ZNF724: variants seen among roughly 807,000 people sequenced by gnomAD.
ZNF724 encodes zinc finger protein 724, also known as zinc finger protein 724 pseudogene.
In ZNF724, 14 loss-of-function variants were observed where a neutral mutation model predicts 29.3. The observed-to-expected ratio is 0.48, with a 90% CI of 0.32 to 0.75. The LOEUF (loss-of-function observed/expected upper bound fraction) is 0.75, where lower values mean the gene tolerates loss of function less well. Ranked by LOEUF, ZNF724 falls within the 30% of genes least tolerant of loss-of-function variation. ZNF724 has a pLI of 0.04. For missense variants in ZNF724, 557 were observed against 571.2 expected (o/e 0.98, Z 0.25); for synonymous variants, 180 against 193.6 (o/e 0.93, Z 0.58).
chr19:23,239,010 A>G (rs928804333), intron 1 of ZNF724, among the ~76,000 whole-genome samples: 1 of 150,100 alleles, frequency 6.7e-6, no homozygotes, highest in Non-Finnish European at 1.5e-5. Context: ...CCTTGGGCAC[A>G]CTAAAGAAAA....
intron 1 of ZNF724, chr19:23,236,809 G>A (rs1972028445): frequency 6.6e-6 from 1 of 151,964 alleles, no homozygotes; most frequent in Non-Finnish European, 1.5e-5. Flanking sequence ...TTAAATGGAG[G>A]ATTTATATTG....
At chr19:23,226,033 T>A (rs1971820184) in intron 3 of ZNF724, among the ~76,000 whole-genome samples, 1 of 139,012 alleles carries the variant, frequency 7.2e-6, no homozygotes, top group South Asian at 2.5e-4. Context: ...TTGAAAAAAA[T>A]TTTCTAGAGA....
chr19:23,231,221 T>C lies in ZNF724; in HGVS notation c.226+45A>G, dbSNP rs745444842. The C allele has an allele frequency of 6.3e-5, 76 of 1,213,882 alleles. No individual in the cohort carries two copies. In the South Asian group the frequency reaches 9.4e-4, roughly 15 times the overall value. The allele number at this position is 1,213,882 out of a possible 1,614,324, so 75.2% of individuals were successfully genotyped here. A position where few individuals can be genotyped will look rare whatever the true frequency, so the allele number is the denominator to read the frequency against. ...CAAAAACTGACTTTCTCCTTGACAT[T>C]TGGACCTCTCATCTGTGTCATCTGT... On this transcript the variant is annotated intron_variant, in intron 3 of 3. Transcript: ENST00000418100.
chr19:23,249,912 C>A (rs1017083048), intron 1 of ZNF724, among the ~76,000 whole-genome samples: 7 of 152,176 alleles, frequency 4.6e-5, no homozygotes, highest in African/African-American at 1.7e-4. Context: ...GAACCCGCTC[C>A]CCGAGTCAGG....
intron 3 of ZNF724, 54 bp downstream of exon 3, chr19:23,231,212 C>G (rs1455994441): frequency 8.4e-7 from 1 of 1,184,840 alleles, no homozygotes; most frequent in Non-Finnish European, 1.2e-6. Flanking sequence ...CTGACTTTCT[C>G]CTTGACATTT....
intron 1 of ZNF724, among the ~76,000 whole-genome samples, chr19:23,240,305 A>T (rs1280359342): frequency 6.6e-6 from 1 of 150,434 alleles, no homozygotes; most frequent in Non-Finnish European, 1.5e-5. Flanking sequence ...AAAAAAGATA[A>T]GGACAAAACC....
Position 23,222,768 on chromosome 19 carries a change from G to T in ZNF724, c.1477C>A (p.Leu493Ile). The T allele has an allele frequency of 7.1e-7, 1 of 1,408,810 alleles. No homozygotes were observed. Among genetic ancestry groups the T allele is most frequent in the Non-Finnish European group, 1.0e-6 (1 of 1,001,980 alleles). 87.3% of individuals were successfully genotyped at this position (1,408,810 alleles called of 1,614,324 possible). A position where few individuals can be genotyped will look rare whatever the true frequency, so the allele number is the denominator to read the frequency against. The change falls in exon 4 of 4, where the codon CTT (leucine) becomes ATT (isoleucine). Residue 493 changes from leucine to isoleucine, a missense_variant. Physicochemically the swap from Leu to Ile is conservative, Grantham distance 5. Transcript: ENST00000418100. ...GTATGAATTTTCTTATGTGTTGTAA[G>T]GTGTGAGGATAGGTTAAAAGCTTTG... ...CGKAFNLSSH[L>I]TTHKKIHTGE...
chr19:23,224,870 G>T (rs1436496730), intron 3 of ZNF724, among the ~76,000 whole-genome samples: 1 of 151,894 alleles, frequency 6.6e-6, no homozygotes, highest in South Asian at 2.1e-4. Context: ...CAGGAGAATC[G>T]CTTGAACCTG....
intron 1 of ZNF724, among the ~76,000 whole-genome samples, chr19:23,235,290 G>GT (rs547721746): frequency 2.0e-4 from 31 of 152,052 alleles, no homozygotes; most frequent in Admixed American, 5.2e-4. Flanking sequence ...TCTGTCCTTG[G>GT]TTTTTTTAAA....
At chr19:23,243,672 C>A (rs1210391570) in intron 1 of ZNF724, among the ~76,000 whole-genome samples, 7 of 151,474 alleles carry the variant, frequency 4.6e-5, no homozygotes, top group Admixed American at 4.6e-4. Flanking sequence ...CCTGTAATAC[C>A]AGCACTTTTG....
rs577883412 is a variant in ZNF724, at chr19:23,223,348, T to A, written c.897A>T (p.Arg299Ser). 60 of 769,450 alleles carry A rather than the reference T, an allele frequency of 7.8e-5. No individual in the cohort carries two copies. The highest frequency in any genetic ancestry group is 4.5e-4 in the Middle Eastern group (2 of 4,432). The allele number at this position is 769,450 out of a possible 1,614,324, so 47.7% of individuals were successfully genotyped here. Reference protein sequence around the residue: ...KAFNQSSTLTRHKIIHAGEKP... With the variant: ...KAFNQSSTLTSHKIIHAGEKP... The stretch of plus-strand genomic sequence containing the variant: ...TCTCTCCAGCATGAATTATCTTATG[T>A]CTAGTAAGGGTTGATGATTGGTTAA... The change falls in exon 4 of 4, where the codon AGA becomes AGT. Residue 299 changes from arginine (R) to serine (S), a missense_variant. This residue lies in a region of ZNF724 where 362 missense variants were observed against 295.5 expected (regional missense o/e 1.22). Transcript: ENST00000418100.
At chr19:23,224,656 C>T (rs1971793028) in intron 3 of ZNF724, among the ~76,000 whole-genome samples, 1 of 151,898 alleles carries the variant, frequency 6.6e-6, no homozygotes, top group African/African-American at 2.4e-5. Flanking sequence ...AATATAGTGC[C>T]TTTAGAAGTG....
At chr19:23,228,188 G>A (rs1047714557) in intron 3 of ZNF724, among the ~76,000 whole-genome samples, 1 of 152,154 alleles carries the variant, frequency 6.6e-6, no homozygotes, top group African/African-American at 2.4e-5. Context: ...GGTGGCTCAC[G>A]CCTGTAATTC....
chr19:23,238,197 C>G (rs1972054905), intron 1 of ZNF724, among the ~76,000 whole-genome samples: 2 of 152,010 alleles, frequency 1.3e-5, no homozygotes, highest in African/African-American at 2.4e-5. Context: ...AACCCCATCT[C>G]TACTAAAAAT....
chr19:23,222,218 G>A lies in ZNF724; in HGVS notation c.*167C>T. 5.3e-6 allele frequency: 3 copies of A among 562,570 alleles called. No homozygotes were observed. Among genetic ancestry groups the A allele is most frequent in the South Asian group, 2.5e-5 (1 of 40,358 alleles). The allele number at this position is 562,570 out of a possible 1,614,324, so 34.8% of individuals were successfully genotyped here. A position where few individuals can be genotyped will look rare whatever the true frequency, so the allele number is the denominator to read the frequency against. On this transcript the variant is annotated 3_prime_UTR_variant, in exon 4 of 4. Transcript: ENST00000418100. ...TTTAAAGGTGTTTAGAAATATTGAG[G>A]TGTTGTCAACTGCACTGTTATATCT...
chr19:23,243,039 C>CA lies in ZNF724; in HGVS notation c.3+7200dup, dbSNP rs762188669. On this transcript the variant is annotated intron_variant, in intron 1 of 3. Coordinates refer to ENST00000418100, the MANE Select transcript of ZNF724 (RefSeq NM_001355404.2). ...GGGCAACAAGAGCAAAACTCCATCTCAAAAAAAAAAAAAAAAAAAGAAAGA... is the reference window on the plus strand; with the variant it reads ...GGGCAACAAGAGCAAAACTCCATCTCAAAAAAAAAAAAAAAAAAAAGAAAGA... 1.2e-3 allele frequency among the ~76,000 whole-genome samples: 131 copies of CA among 112,216 alleles called. 1 individual carries two copies. The highest frequency in any genetic ancestry group is 7.4e-3 in the Middle Eastern group (1 of 136). 73.6% of individuals were successfully genotyped at this position (112,216 alleles called of 152,430 possible). A position where few individuals can be genotyped will look rare whatever the true frequency, so the allele number is the denominator to read the frequency against.
At chr19:23,234,485 CTT>C (rs973234617) in intron 1 of ZNF724, among the ~76,000 whole-genome samples, 1 of 151,208 alleles carries the variant, frequency 6.6e-6, no homozygotes, top group African/African-American at 2.4e-5. Flanking sequence ...GTGTTTTGCT[CTT>C]GTCATCCAGG....
At chr19:23,232,389 G>T in intron 1 of ZNF724, 96 bp from the exon 2 acceptor site, 1 of 693,544 alleles carries the variant, frequency 1.4e-6, no homozygotes, top group Non-Finnish European at 2.6e-6. Flanking sequence ...TACTCATTCT[G>T]ACTTATAAAA....
At position 23,223,013 on chromosome 19, in the gene ZNF724, G is replaced by A; in HGVS notation, c.1232C>T (p.Thr411Ile). ...CTCTCCGGTATGAATTCTTTTATGT[G>A]TGGTGAGGTGTGAGGATGTGTTAAA... ...KAFNTSSHLT[T>I]HKRIHTGEKP... Residue 411 changes from threonine to isoleucine, a missense_variant, in exon 4 of 4, where the codon ACA becomes ATA. Physicochemically the swap from Thr to Ile is moderately conservative, Grantham distance 89 (BLOSUM62 -1). Transcript: ENST00000418100. 1 of 1,338,276 alleles carries A rather than the reference G, an allele frequency of 7.5e-7. No homozygotes were observed. The highest frequency in any genetic ancestry group is 1.7e-5 in the Admixed American group (1 of 59,468). 82.9% of individuals were successfully genotyped at this position (1,338,276 alleles called of 1,614,324 possible).
Sources: gnomAD v4.1 joint callset for allele counts (sites outside exome capture counted in the v4.1 genomes callset) on GRCh38, gnomAD v4.1.1 for gene constraint, gnomAD v4.1.1 regional missense constraint, MANE v1.5 for transcripts, NCBI Gene and HGNC (gene_info 2026-07-23, HGNC 2026-07-21) for gene names.